Variants in FRMD4A observed in about 807,000 individuals in gnomAD.
FRMD4A encodes the protein FERM domain-containing protein 4A.
Under a neutral mutation model 129.1 loss-of-function variants are expected in FRMD4A, and 29 were observed. That is an observed-to-expected ratio of 0.22 (90% confidence interval 0.17 to 0.31). The LOEUF (loss-of-function observed/expected upper bound fraction) is 0.31. Among genes scored for constraint, FRMD4A ranks in the 10% least tolerant of loss-of-function variants. The probability of loss-of-function intolerance (pLI) is 1.00; values close to 1 mark genes in which losing one functional copy is unlikely to be tolerated. For missense variants in FRMD4A, 1,272 were observed against 1,375.8 expected (o/e 0.92, Z 1.19); for synonymous variants, 634 against 571.6 (o/e 1.11, Z -1.56).
At chr10:13,876,531 G>A (rs1225508269) in intron 2 of FRMD4A, among the ~76,000 whole-genome samples, 1 of 152,186 alleles carries the variant, frequency 6.6e-6, no homozygotes, top group Non-Finnish European at 1.5e-5. Flanking sequence ...CACGTGCTCA[G>A]TAACCAAGAA....
At chr10:14,162,641 GTTTTTTTT>G (rs71388160) in intron 2 of FRMD4A, among the ~76,000 whole-genome samples, 23 of 118,392 alleles carry the variant, frequency 1.9e-4, no homozygotes, top group African/African-American at 7.0e-4. Flanking sequence ...TTTTTTTTTT[GTTTTTTTT>G]TTTTTTTTTT....
intron 2 of FRMD4A, among the ~76,000 whole-genome samples, chr10:14,243,921 T>C (rs572594881): frequency 4.0e-4 from 60 of 151,840 alleles, no homozygotes; most frequent in Non-Finnish European, 7.9e-4. Context: ...CAGTTGTATA[T>C]CTAAAATAAA....
chr10:13,854,705 T>TA (rs2094190268), intron 3 of FRMD4A, among the ~76,000 whole-genome samples: 1 of 152,102 alleles, frequency 6.6e-6, no homozygotes, highest in Non-Finnish European at 1.5e-5. Flanking sequence ...GTGCTGGGAT[T>TA]ACAGGTGTAA....
chr10:14,017,118 TC>T (rs1486008062), intron 2 of FRMD4A, among the ~76,000 whole-genome samples: 25 of 152,342 alleles, frequency 1.6e-4, no homozygotes, highest in African/African-American at 5.8e-4. Context: ...TAAAGGCTAT[TC>T]TACATGGTAG....
At chr10:14,035,069 G>A (rs1833432337) in intron 2 of FRMD4A, among the ~76,000 whole-genome samples, 1 of 152,098 alleles carries the variant, frequency 6.6e-6, no homozygotes, top group Non-Finnish European at 1.5e-5. Context: ...AAATACCGGG[G>A]GGACCAACCT....
At chr10:14,296,864 A>T (rs1846026496) in intron 2 of FRMD4A, among the ~76,000 whole-genome samples, 1 of 152,052 alleles carries the variant, frequency 6.6e-6, no homozygotes, top group South Asian at 2.1e-4. Context: ...CCCAGTTCTC[A>T]TCCTGTCCTA....
At chr10:14,067,208 C>A (rs1489488258) in intron 2 of FRMD4A, among the ~76,000 whole-genome samples, 1 of 151,646 alleles carries the variant, frequency 6.6e-6, no homozygotes, top group Non-Finnish European at 1.5e-5. Context: ...CCAAGCTACT[C>A]GGGAGGCTGA....
intron 2 of FRMD4A, among the ~76,000 whole-genome samples, chr10:13,917,102 A>G (rs1329350234): frequency 6.6e-6 from 1 of 152,224 alleles, no homozygotes; most frequent in Non-Finnish European, 1.5e-5. Flanking sequence ...GATTCTCATC[A>G]CCAAGAAGTG....
At chr10:14,237,311 A>G (rs1020687820) in intron 2 of FRMD4A, among the ~76,000 whole-genome samples, 3 of 151,068 alleles carry the variant, frequency 2.0e-5, no homozygotes, top group Admixed American at 2.0e-4. Flanking sequence ...GAAGTCACAC[A>G]TATGGGGCAT....
chr10:13,691,769 A>G (rs576124783), intron 15 of FRMD4A, among the ~76,000 whole-genome samples: 5 of 152,336 alleles, frequency 3.3e-5, no homozygotes, highest in African/African-American at 1.2e-4. Flanking sequence ...TGATAGATGC[A>G]GCCTCTCTCA....
chr10:13,859,333 G>A (rs1055515281), intron 2 of FRMD4A, among the ~76,000 whole-genome samples: 10 of 152,170 alleles, frequency 6.6e-5, no homozygotes, highest in South Asian at 4.2e-4. Context: ...GCAGTGAGCC[G>A]AGATCGCGCC....
At chr10:13,931,719 C>T (rs924245397) in intron 2 of FRMD4A, among the ~76,000 whole-genome samples, 2 of 149,324 alleles carry the variant, frequency 1.3e-5, no homozygotes, top group African/African-American at 5.0e-5. Context: ...GGGCAGATCA[C>T]CTGAAGTCAG....
chr10:14,082,174 G>T (rs1835966860), intron 2 of FRMD4A, among the ~76,000 whole-genome samples: 1 of 152,138 alleles, frequency 6.6e-6, no homozygotes, highest in South Asian at 2.1e-4. Context: ...TTGAACCTGG[G>T]AGGCAGAGGT....
intron 14 of FRMD4A, among the ~76,000 whole-genome samples, chr10:13,698,032 C>T (rs543989836): frequency 4.1e-5 from 6 of 146,080 alleles, no homozygotes; most frequent in Admixed American, 1.3e-4. Flanking sequence ...AGCCTCCCTC[C>T]GCCCTGTCTT....
chr10:13,807,254 G>C (rs1174500690), intron 4 of FRMD4A, among the ~76,000 whole-genome samples: 1 of 152,190 alleles, frequency 6.6e-6, no homozygotes, highest in Non-Finnish European at 1.5e-5. Context: ...TCTGAGGACA[G>C]AGTTAGTAAA....
intron 2 of FRMD4A, among the ~76,000 whole-genome samples, chr10:14,317,126 C>T (rs182780022): frequency 1.1e-4 from 16 of 152,326 alleles, no homozygotes; most frequent in Admixed American, 7.8e-4. Context: ...GATATTTCTA[C>T]ATCTGCACTC....
intron 2 of FRMD4A, among the ~76,000 whole-genome samples, chr10:14,185,803 C>CGGAATAG (rs1444312622): frequency 7.2e-5 from 11 of 152,068 alleles, no homozygotes; most frequent in Admixed American, 2.0e-4. Flanking sequence ...TAGTCCTGGG[C>CGGAATAG]GGAATAGGGT....
rs193071242 is a variant in FRMD4A, at chr10:14,294,410, G to A, written c.45+35648C>T. Among the ~76,000 whole-genome samples the A allele has an allele frequency of 2.4e-4, 36 of 152,302 alleles. 1 individual carries two copies. The East Asian group carries it at 6.8e-3, about 29-fold the overall frequency. ...GGTGTCCTCCACGTTCACAAGGCTT[G>A]ACATAGATACAATAATAAGGCCATA... On this transcript the variant is annotated intron_variant, in intron 2 of 24. Transcript: ENST00000357447.
chr10:13,992,722 GA>G (rs921919960), intron 2 of FRMD4A, among the ~76,000 whole-genome samples: 58 of 152,222 alleles, frequency 3.8e-4, no homozygotes, highest in African/African-American at 1.4e-3. Flanking sequence ...GGGAGGCCAA[GA>G]CACGCGGATC....
Sources: allele counts gnomAD v4.1 joint callset (sites outside exome capture counted in the v4.1 genomes callset), GRCh38; gene constraint gnomAD v4.1.1; transcripts MANE v1.5; gene names NCBI Gene and HGNC (gene_info 2026-07-23, HGNC 2026-07-21).